The following DCDC1 variants were observed in gnomAD, a reference collection of about 807,000 sequenced individuals.
The protein encoded by DCDC1 is doublecortin domain-containing protein 1.
Under a neutral mutation model 178.3 loss-of-function variants are expected in DCDC1, and 200 were observed. The observed-to-expected ratio is 1.12, with a 90% CI of 1.00 to 1.26. DCDC1 has a LOEUF of 1.26. DCDC1 is among the 50% of genes most tolerant of loss of function. The pLI is 0.00. For missense variants in DCDC1, 1,983 were observed against 1,749.2 expected (o/e 1.13, Z -2.38); for synonymous variants, 690 against 604.8 (o/e 1.14, Z -2.07).
intron 9 of DCDC1, among the ~76,000 whole-genome samples, chr11:31,148,885 C>T (rs1309361310): frequency 2.0e-5 from 3 of 152,060 alleles, no homozygotes; most frequent in African/African-American, 7.2e-5. Context: ...AGTATTTTAT[C>T]CCTCACCCCC....
chr11:31,032,123 G>T (rs1325078772), intron 20 of DCDC1, among the ~76,000 whole-genome samples: 1 of 152,048 alleles, frequency 6.6e-6, no homozygotes, highest in Non-Finnish European at 1.5e-5. Context: ...ATGAAATTTG[G>T]CTTGCTGAGT....
chr11:31,079,483 G>T (rs1466260892), intron 17 of DCDC1, among the ~76,000 whole-genome samples: 1 of 152,146 alleles, frequency 6.6e-6, no homozygotes, highest in Non-Finnish European at 1.5e-5. Flanking sequence ...CCCAACGAGG[G>T]GGTCATGAGA....
At chr11:31,055,416 T>C (rs1353073920) in intron 20 of DCDC1, among the ~76,000 whole-genome samples, 2 of 152,210 alleles carry the variant, frequency 1.3e-5, no homozygotes, top group Admixed American at 6.5e-5. Flanking sequence ...TATGTTTCCA[T>C]AGTGTTTCCA....
chr11:30,964,039 G>A (rs1399564378), intron 20 of DCDC1, among the ~76,000 whole-genome samples: 1 of 152,094 alleles, frequency 6.6e-6, no homozygotes, highest in Non-Finnish European at 1.5e-5. Flanking sequence ...CCTATAGGCA[G>A]GAAGCGTTAG....
chr11:30,946,994 CATAA>C (rs1229589130), intron 21 of DCDC1, among the ~76,000 whole-genome samples: 2 of 152,048 alleles, frequency 1.3e-5, no homozygotes, highest in Non-Finnish European at 2.9e-5. Flanking sequence ...AAACGTAAAC[CATAA>C]ATAATACTTT....
At chr11:31,328,035 T>G (rs1949743364) in intron 3 of DCDC1, 82 bp downstream of exon 3, 2 of 1,403,560 alleles carry the variant, frequency 1.4e-6, no homozygotes, top group Non-Finnish European at 1.9e-6. Flanking sequence ...CGGCCAAGAC[T>G]GATTGAAAAT....
intron 7 of DCDC1, among the ~76,000 whole-genome samples, chr11:31,266,563 T>C (rs1335059964): frequency 6.6e-6 from 1 of 152,216 alleles, no homozygotes; most frequent in East Asian, 1.9e-4. Context: ...CATTTTTGAC[T>C]ATTCCCAGCT....
intron 38 of DCDC1, among the ~76,000 whole-genome samples, chr11:30,868,242 CTTTTTTTTTTT>C (rs35180579): frequency 6.6e-5 from 4 of 61,042 alleles, no homozygotes; most frequent in South Asian, 1.4e-3. Context: ...TTCATACCTG[CTTTTTTTTTTT>C]TTTTTTTTTT....
intron 7 of DCDC1, among the ~76,000 whole-genome samples, chr11:31,268,872 A>AATATC (rs1349474849): frequency 6.6e-6 from 1 of 152,182 alleles, no homozygotes; most frequent in African/African-American, 2.4e-5. Context: ...CAGCCTTGCC[A>AATATC]ATATCTGTTG....
intron 9 of DCDC1, among the ~76,000 whole-genome samples, chr11:31,190,041 A>C (rs2136342821): frequency 6.6e-6 from 1 of 152,330 alleles, no homozygotes; most frequent in East Asian, 1.9e-4. Flanking sequence ...CGAGTAATAC[A>C]AAATGGTTGG....
intron 20 of DCDC1, among the ~76,000 whole-genome samples, chr11:31,001,413 C>T (rs886860690): frequency 2.0e-5 from 3 of 152,070 alleles, no homozygotes; most frequent in Non-Finnish European, 4.4e-5. Context: ...CTTTTGCCTG[C>T]TTAGAAACTC....
At chr11:31,063,794 G>C (rs1178511696) in intron 20 of DCDC1, among the ~76,000 whole-genome samples, 2 of 152,016 alleles carry the variant, frequency 1.3e-5, no homozygotes, top group African/African-American at 4.8e-5. Context: ...GAATTATATG[G>C]CTCCTTTAAG....
intron 20 of DCDC1, among the ~76,000 whole-genome samples, chr11:30,954,525 G>A (rs1948652148): frequency 6.6e-6 from 1 of 152,180 alleles, no homozygotes; most frequent in Non-Finnish European, 1.5e-5. Flanking sequence ...AATAAAGTTA[G>A]TCAGTGGTAA....
intron 20 of DCDC1, among the ~76,000 whole-genome samples, chr11:31,039,307 A>G (rs1440967515): frequency 6.6e-6 from 1 of 152,160 alleles, no homozygotes; most frequent in Non-Finnish European, 1.5e-5. Context: ...GGGGACATAT[A>G]CAAAGAATTA....
intron 11 of DCDC1, among the ~76,000 whole-genome samples, chr11:31,123,576 C>A (rs909095181): frequency 6.6e-6 from 1 of 151,222 alleles, no homozygotes; most frequent in African/African-American, 2.4e-5. Flanking sequence ...AATATTCTAA[C>A]ATGCAGCCAT....
chr11:31,157,849 G>T (rs1965884610), intron 9 of DCDC1, among the ~76,000 whole-genome samples: 1 of 152,020 alleles, frequency 6.6e-6, no homozygotes, highest in Non-Finnish European at 1.5e-5. Flanking sequence ...TTATATTATG[G>T]TATTTTACTA....
chr11:31,210,640 G>A (rs1400339811), intron 9 of DCDC1, among the ~76,000 whole-genome samples: 1 of 151,420 alleles, frequency 6.6e-6, no homozygotes, highest in Non-Finnish European at 1.5e-5. Flanking sequence ...GAACCCGGGA[G>A]GCAGAGGTTG....
At chr11:31,231,654 A>T (rs1975786538) in intron 9 of DCDC1, among the ~76,000 whole-genome samples, 1 of 152,124 alleles carries the variant, frequency 6.6e-6, no homozygotes, top group African/African-American at 2.4e-5. Context: ...CCCAATTGTT[A>T]CTTAATAAGC....
In DCDC1 at chr11:31,222,882, C is replaced by T. The variant is rs183279191; in HGVS notation, c.1221+18568G>A. On this transcript the variant is annotated intron_variant, in intron 9 of 38. Transcript: ENST00000684477. The stretch of plus-strand genomic sequence containing the variant: ...TAGTCACATCAGGGGGATAGGACTT[C>T]AATATATAAATTTCGGGAAGACATA... Among the ~76,000 whole-genome samples, 84 of 152,160 alleles carry T rather than the reference C, an allele frequency of 5.5e-4. No homozygotes were observed. The Middle Eastern group carries it at 0.01, about 18-fold the overall frequency.
Sources: allele counts gnomAD v4.1 joint callset (sites outside exome capture counted in the v4.1 genomes callset), GRCh38; gene constraint gnomAD v4.1.1; transcripts MANE v1.5; gene names NCBI Gene and HGNC (gene_info 2026-07-23, HGNC 2026-07-21).